Variants in TENM2 observed in about 807,000 individuals in gnomAD.
TENM2 encodes the protein teneurin-2.
TENM2 carries 52 observed loss-of-function variants against 245.2 expected under a neutral mutation model. The ratio of observed to expected loss-of-function variants is 0.21; its 90% CI spans 0.17 to 0.27. TENM2 has a LOEUF of 0.27. Ranked by LOEUF, TENM2 falls within the 10% of genes least tolerant of loss-of-function variation. The pLI is 1.00. For synonymous variants in TENM2, 1,363 were observed against 1,438.9 expected, an observed-to-expected ratio of 0.95 and a Z score of 1.19; for missense variants, 3,046 against 3,666.8, an observed-to-expected ratio of 0.83 and a Z score of 4.37.
intron 5 of TENM2, among the ~76,000 whole-genome samples, chr5:168,024,162 A>C (rs1355379203): frequency 6.6e-6 from 1 of 152,168 alleles, no homozygotes; most frequent in African/African-American, 2.4e-5. Flanking sequence ...GAGTTCAGGC[A>C]CTTTTCTTTG....
intron 13 of TENM2, among the ~76,000 whole-genome samples, chr5:168,167,351 G>A (rs1324388490): frequency 6.6e-6 from 1 of 152,080 alleles, no homozygotes; most frequent in Non-Finnish European, 1.5e-5. Context: ...GGCCTGGTGA[G>A]ACAGTCCTTA....
At chr5:167,068,752 A>T in the TENM2 span, among the ~76,000 whole-genome samples, 2 of 152,212 alleles carry the variant, frequency 1.3e-5, no homozygotes, top group African/African-American at 4.8e-5. Flanking sequence ...GAATAATATT[A>T]GTTGACTGGT....
chr5:167,872,409 A>G (rs890468805), intron 2 of TENM2, among the ~76,000 whole-genome samples: 10 of 151,422 alleles, frequency 6.6e-5, no homozygotes, highest in Non-Finnish European at 4.4e-5. Flanking sequence ...GAAGAAAAAA[A>G]GAGAAAGAGA....
intron 5 of TENM2, among the ~76,000 whole-genome samples, chr5:167,999,011 C>T (rs1784250251): frequency 6.6e-6 from 1 of 152,194 alleles, no homozygotes; most frequent in South Asian, 2.1e-4. Context: ...TGTGTATTCT[C>T]ATCTCACTGA....
chr5:167,744,020 T>G (rs1561729578), intron 2 of TENM2, among the ~76,000 whole-genome samples: 1 of 152,236 alleles, frequency 6.6e-6, no homozygotes, highest in Non-Finnish European at 1.5e-5. Context: ...GGCTTGCCTG[T>G]GCTCACACAG....
At chr5:167,404,624 T>C (rs185926866) in intron 2 of TENM2, among the ~76,000 whole-genome samples, 1 of 152,246 alleles carries the variant, frequency 6.6e-6, no homozygotes, top group Admixed American at 6.5e-5. Context: ...TGGTCTCCAA[T>C]GAAGATAAAC....
At chr5:168,112,233 T>TAAC (rs986959742) in intron 9 of TENM2, among the ~76,000 whole-genome samples, 3 of 152,176 alleles carry the variant, frequency 2.0e-5, no homozygotes, top group African/African-American at 7.2e-5. Flanking sequence ...GAATTTTTTT[T>TAAC]AACTTTAAGT....
At chr5:167,543,542 G>A (rs568128215) in intron 2 of TENM2, among the ~76,000 whole-genome samples, 1 of 152,014 alleles carries the variant, frequency 6.6e-6, no homozygotes, top group African/African-American at 2.4e-5. Flanking sequence ...TTTCCTAAAG[G>A]ATTTTTCTCT....
intron 2 of TENM2, among the ~76,000 whole-genome samples, chr5:167,767,681 A>C (rs1048626736): frequency 7.2e-5 from 11 of 152,270 alleles, no homozygotes; most frequent in African/African-American, 2.7e-4. Flanking sequence ...ATGATCACTT[A>C]GTGGCAATAG....
the TENM2 span, among the ~76,000 whole-genome samples, chr5:167,086,216 A>G: frequency 6.6e-6 from 1 of 152,162 alleles, no homozygotes; most frequent in African/African-American, 2.4e-5. Context: ...CCATTTTCAA[A>G]CACCACAATT....
In TENM2 at chr5:167,894,133, T is replaced by A. The variant is rs370961679; in HGVS notation, c.712+17938T>A. On this transcript the variant is annotated intron_variant, in intron 3 of 28. Coordinates refer to ENST00000518659, the Ensembl canonical transcript of TENM2. ...AGAAGCTTTCTTATTTATCTTTGTA[T>A]CTTTGTTACCCAGTAAGCACCATTC... is the stretch of plus-strand genomic sequence containing the variant. Among the ~76,000 whole-genome samples the A allele has an allele frequency of 2.4e-4, 36 of 152,316 alleles. No homozygotes were observed. The East Asian group carries it at 3.5e-3, about 15-fold the overall frequency.
At chr5:168,225,760 TCA>T (rs1764117279) in intron 23 of TENM2, among the ~76,000 whole-genome samples, 1 of 101,976 alleles carries the variant, frequency 9.8e-6, no homozygotes, top group African/African-American at 4.1e-5. Flanking sequence ...CTCCATCATC[TCA>T]AAAAAAAAAA....
At chr5:167,402,157 C>A (rs1750154939) in intron 2 of TENM2, among the ~76,000 whole-genome samples, 1 of 152,066 alleles carries the variant, frequency 6.6e-6, no homozygotes, top group Non-Finnish European at 1.5e-5. Context: ...GGGTGGTCAG[C>A]TGATTTTTTA....
intron 7 of TENM2, among the ~76,000 whole-genome samples, chr5:168,084,263 G>T (rs1411700298): frequency 3.3e-5 from 5 of 152,140 alleles, no homozygotes; most frequent in Non-Finnish European, 7.4e-5. Flanking sequence ...TTTTCTTTTG[G>T]ATATATATCC....
At chr5:167,300,493 A>T (rs996863491) in intron 1 of TENM2, among the ~76,000 whole-genome samples, 1 of 152,190 alleles carries the variant, frequency 6.6e-6, no homozygotes, top group African/African-American at 2.4e-5. Context: ...CAGATCCTGA[A>T]CTAACCTGTA....
At chr5:167,391,581 T>A (rs989813812) in intron 2 of TENM2, among the ~76,000 whole-genome samples, 1 of 134,872 alleles carries the variant, frequency 7.4e-6, no homozygotes, top group African/African-American at 2.8e-5. Context: ...GCCAAGATTG[T>A]GCCACTGCAC....
the TENM2 span, among the ~76,000 whole-genome samples, chr5:167,154,382 T>A: frequency 6.6e-6 from 1 of 152,328 alleles, no homozygotes; most frequent in African/African-American, 2.4e-5. Context: ...ACTTCTACAT[T>A]GCCTTGTTGA....
chr5:167,802,995 G>A (rs1765895060), intron 2 of TENM2, among the ~76,000 whole-genome samples: 1 of 152,144 alleles, frequency 6.6e-6, no homozygotes, highest in Non-Finnish European at 1.5e-5. Flanking sequence ...GACGGTTGCT[G>A]ACTTCAGGTA....
intron 2 of TENM2, among the ~76,000 whole-genome samples, chr5:167,502,916 G>A (rs971648352): frequency 2.6e-5 from 4 of 152,130 alleles, no homozygotes; most frequent in African/African-American, 7.2e-5. Context: ...TGCAACTTCC[G>A]TCTCCTGGGT....
Sources: gnomAD v4.1 joint callset for allele counts (sites outside exome capture counted in the v4.1 genomes callset) on GRCh38, gnomAD v4.1.1 for gene constraint, MANE v1.5 for transcripts, NCBI Gene and HGNC (gene_info 2026-07-23, HGNC 2026-07-21) for gene names.